The following MFSD8 variants were observed in gnomAD, a reference collection of about 807,000 sequenced individuals.
MFSD8 encodes the protein major facilitator superfamily domain-containing protein 8.
MFSD8 carries 55 observed loss-of-function variants against 66.4 expected under a neutral mutation model. The observed-to-expected ratio is 0.83, with a 90% CI of 0.67 to 1.04. The LOEUF is 1.04. MFSD8 is among the 50% of genes least tolerant of loss of function. MFSD8 has a pLI of 0.00. For synonymous variants in MFSD8, 202 were observed against 212.8 expected (o/e 0.95, Z 0.44); for missense variants, 550 against 627.6 (o/e 0.88, Z 1.32).
chr4:127,946,211 G>A (rs184386129), intron 3 of MFSD8, among the ~76,000 whole-genome samples: 1 of 152,238 alleles, frequency 6.6e-6, no homozygotes, highest in East Asian at 1.9e-4. Context: ...AGGCACGTGA[G>A]TCACAGCACT....
chr4:127,935,558 CAT>C (rs1250779595), intron 7 of MFSD8, among the ~76,000 whole-genome samples: 1 of 152,116 alleles, frequency 6.6e-6, no homozygotes, highest in Non-Finnish European at 1.5e-5. Context: ...TTTTACCAGA[CAT>C]ATTTTATGCA....
At chr4:127,964,890 CA>C in intron 1 of MFSD8, 181 bp downstream of exon 1, 1 of 725,796 alleles carries the variant, frequency 1.4e-6, no homozygotes, top group South Asian at 1.7e-5. Flanking sequence ...ACGGTGCGGC[CA>C]GACGCCCTTT....
intron 11 of MFSD8, chr4:127,921,070 T>C: frequency 1.7e-6 from 1 of 580,792 alleles, no homozygotes; most frequent in Non-Finnish European, 3.0e-6. Flanking sequence ...GCCCTGGGAA[T>C]AATAAAATTG....
rs928098281 is a variant in MFSD8 at position 127,964,960 on chromosome 4, C to T, written c.62+112G>A. The T allele has an allele frequency of 4.5e-6, 6 of 1,322,920 alleles. No individual in the cohort carries two copies. In the African/African-American group the frequency reaches 7.3e-5, roughly 16 times the overall value. 81.9% of individuals were successfully genotyped at this position (1,322,920 alleles called of 1,614,324 possible). A position where few individuals can be genotyped will look rare whatever the true frequency, so the allele number is the denominator to read the frequency against. The stretch of plus-strand genomic sequence containing the variant: ...ACAACCCAGCCACCGGCTCCCACCG[C>T]GCTGGAACCCCTCTGGCAGCGAGGG... On this transcript the variant is annotated intron_variant, in intron 1 of 11. Transcript: ENST00000641686.
intron 1 of MFSD8, among the ~76,000 whole-genome samples, chr4:127,959,974 A>C (rs114669628): frequency 0.027 from 4,085 of 152,220 alleles, 158 homozygotes; most frequent in African/African-American, 0.093. Context: ...GACCGGGTAC[A>C]AAAAGGAATG....
intron 1 of MFSD8, among the ~76,000 whole-genome samples, chr4:127,962,029 T>C (rs1315864609): frequency 6.6e-6 from 1 of 152,066 alleles, no homozygotes; most frequent in Non-Finnish European, 1.5e-5. Context: ...TTAAAGCTGG[T>C]GGAAAGAGTA....
chr4:127,936,490 CCCAGGGAGGCAGATCA>C (rs1420628547), intron 7 of MFSD8, among the ~76,000 whole-genome samples: 2 of 151,880 alleles, frequency 1.3e-5, no homozygotes, highest in East Asian at 3.9e-4. Flanking sequence ...CTTTGGGAGG[CCCAGGGAGGCAGATCA>C]CTTGAGTCCA....
intron 1 of MFSD8, 145 bp from the exon 2 acceptor site, chr4:127,957,737 T>C: frequency 1.6e-6 from 1 of 622,372 alleles, no homozygotes; most frequent in South Asian, 2.0e-5. Context: ...AATTTATCTA[T>C]GAATAAGCAT....
At chr4:127,922,042 T>C (rs1736416327) in intron 9 of MFSD8, 79 bp from the exon 10 acceptor site, 2 of 1,228,138 alleles carry the variant, frequency 1.6e-6, no homozygotes, top group Non-Finnish European at 2.3e-6. Flanking sequence ...TTTTAAAAAC[T>C]AAAAATAATA....
chr4:127,939,599 T>C (rs1289460621), intron 6 of MFSD8: 1 of 287,854 alleles, frequency 3.5e-6, no homozygotes, highest in Admixed American at 5.9e-5. Flanking sequence ...AGTAAGATCT[T>C]GTCTCAAAAA....
chr4:127,963,568 A>G (rs1046580991), intron 1 of MFSD8, among the ~76,000 whole-genome samples: 3 of 151,352 alleles, frequency 2.0e-5, no homozygotes, highest in African/African-American at 7.3e-5. Flanking sequence ...GAAGCTGCAG[A>G]CCTTCGTGGT....
intron 9 of MFSD8, among the ~76,000 whole-genome samples, chr4:127,929,958 T>A (rs1460396268): frequency 6.6e-6 from 1 of 152,146 alleles, no homozygotes; most frequent in African/African-American, 2.4e-5. Context: ...TAAAAAACAC[T>A]TATGCTGGGC....
upstream of MFSD8, chr4:127,965,178 C>CCT: frequency 6.2e-7 from 1 of 1,610,568 alleles, no homozygotes. Flanking sequence ...TCTCGCGACA[C>CCT]CTGCTTTCTC....
At chr4:127,921,347 C>T (rs565557223) in intron 11 of MFSD8, 177 bp downstream of exon 11, 18 of 1,075,742 alleles carry the variant, frequency 1.7e-5, no homozygotes, top group Admixed American at 1.6e-4. Flanking sequence ...CTATAACCCA[C>T]ATAACCTACC....
chr4:127,932,809 T>C (rs1738383925), intron 8 of MFSD8, 176 bp downstream of exon 8: 2 of 545,428 alleles, frequency 3.7e-6, no homozygotes, highest in South Asian at 4.8e-5. Flanking sequence ...TATGGACAAA[T>C]AATTAACTAC....
chr4:127,955,979 C>T (rs1013719328), intron 2 of MFSD8, among the ~76,000 whole-genome samples: 5 of 151,922 alleles, frequency 3.3e-5, no homozygotes, highest in East Asian at 3.9e-4. Flanking sequence ...ATTAGCTGGG[C>T]GTGATAGCGT....
At chr4:127,933,368 C>T (rs1738494148) in intron 7 of MFSD8, 1 of 283,768 alleles carries the variant, frequency 3.5e-6, no homozygotes, top group South Asian at 4.4e-5. Flanking sequence ...ACCTCAGCCT[C>T]CCAAGAAGCT....
chr4:127,923,783 G>T (rs1384592005), intron 9 of MFSD8, among the ~76,000 whole-genome samples: 3 of 150,176 alleles, frequency 2.0e-5, no homozygotes, highest in Non-Finnish European at 4.4e-5. Context: ...GGGTTTCACT[G>T]TGTTGGCCAG....
At chr4:127,947,863 A>AAC (rs10648496) in intron 3 of MFSD8, among the ~76,000 whole-genome samples, 70,768 of 140,676 alleles carry the variant, frequency 0.5, 18,491 homozygotes, top group South Asian at 0.61. Context: ...TGCACGTGTG[A>AAC]ACACACACAC....
Sources: gnomAD v4.1 joint callset for allele counts (sites outside exome capture counted in the v4.1 genomes callset) on GRCh38, gnomAD v4.1.1 for gene constraint, MANE v1.5 for transcripts, NCBI Gene and HGNC (gene_info 2026-07-23, HGNC 2026-07-21) for gene names.